Variants in KIF6 observed in about 807,000 individuals in gnomAD.
The protein encoded by KIF6 is kinesin family member 6.
KIF6 carries 106 observed loss-of-function variants against 112.7 expected under a neutral mutation model. The ratio of observed to expected loss-of-function variants is 0.94; its 90% confidence interval spans 0.80 to 1.11. KIF6 has a LOEUF of 1.11. KIF6 is among the 50% of genes least tolerant of loss of function. KIF6 has a pLI of 0.00. For synonymous variants in KIF6, 339 were observed against 339.9 expected (o/e 1.00, Z 0.03); for missense variants, 929 against 964.0 (o/e 0.96, Z 0.48).
intron 5 of KIF6, 40 bp from the exon 6 acceptor site, chr6:39,613,358 A>C (rs1425937179): frequency 1.3e-6 from 2 of 1,513,252 alleles, no homozygotes; most frequent in African/African-American, 1.4e-5. Flanking sequence ...TACTGCTGAG[A>C]ATGAAAAGAA....
At chr6:39,387,659 T>C (rs1254773379) in intron 15 of KIF6, among the ~76,000 whole-genome samples, 3 of 152,130 alleles carry the variant, frequency 2.0e-5, no homozygotes, top group Non-Finnish European at 2.9e-5. Flanking sequence ...ACTTGACACC[T>C]GAGCCAGCCA....
intron 13 of KIF6, among the ~76,000 whole-genome samples, chr6:39,536,132 C>A (rs1778408551): frequency 6.6e-6 from 1 of 150,638 alleles, no homozygotes; most frequent in Non-Finnish European, 1.5e-5. Flanking sequence ...AAATTGACAC[C>A]CTAACATCAC....
chr6:39,632,823 T>C (rs1454074945), intron 5 of KIF6, among the ~76,000 whole-genome samples: 2 of 152,016 alleles, frequency 1.3e-5, no homozygotes, highest in South Asian at 2.1e-4. Flanking sequence ...GGTTTCACCA[T>C]GTTAGCCAGG....
At chr6:39,552,754 T>TA (rs140724800) in intron 10 of KIF6, among the ~76,000 whole-genome samples, 4,919 of 152,018 alleles carry the variant, frequency 0.032, 199 homozygotes, top group African/African-American at 0.094. Context: ...TCTGCCATAT[T>TA]AAAAAAAAGA....
chr6:39,405,621 T>C (rs1470372636), intron 15 of KIF6, among the ~76,000 whole-genome samples: 1 of 152,214 alleles, frequency 6.6e-6, no homozygotes, highest in African/African-American at 2.4e-5. Context: ...CTAGTATTTG[T>C]GTATATTTAT....
At chr6:39,619,569 G>A (rs1469007237) in intron 5 of KIF6, among the ~76,000 whole-genome samples, 1 of 152,192 alleles carries the variant, frequency 6.6e-6, no homozygotes, top group African/African-American at 2.4e-5. Context: ...AGAAGTGTCT[G>A]CTGCTTACTG....
At chr6:39,401,080 C>G (rs1768663066) in intron 15 of KIF6, among the ~76,000 whole-genome samples, 1 of 152,206 alleles carries the variant, frequency 6.6e-6, no homozygotes, top group South Asian at 2.1e-4. Flanking sequence ...AATGGGTAAG[C>G]TAAGATGTTG....
At chr6:39,696,797 C>T (rs1401663307) in intron 3 of KIF6, among the ~76,000 whole-genome samples, 1 of 151,896 alleles carries the variant, frequency 6.6e-6, no homozygotes, top group African/African-American at 2.4e-5. Flanking sequence ...CACACACACA[C>T]ACATCTCAAA....
rs146550521 is a variant in KIF6 at position 39,585,435 on chromosome 6, C to T, written c.991-451G>A. 3.3e-5 allele frequency among the ~76,000 whole-genome samples: 5 copies of T among 152,280 alleles called. No homozygotes were observed. In the East Asian group the frequency reaches 9.7e-4, roughly 29 times the overall value. The stretch of plus-strand genomic sequence containing the variant: ...GCTGTGCAGCTCAGCCCCTAATAGG[C>T]CACAGACCTGGTACTGGTCCATGGC... On this transcript the variant is annotated intron_variant, in intron 8 of 22. Transcript: ENST00000287152.
At chr6:39,682,263 T>A (rs1787566526) in intron 3 of KIF6, among the ~76,000 whole-genome samples, 1 of 152,212 alleles carries the variant, frequency 6.6e-6, no homozygotes, top group South Asian at 2.1e-4. Context: ...CATCATAGCA[T>A]GTACTTACAC....
chr6:39,359,557 G>A (rs538623308), intron 18 of KIF6, among the ~76,000 whole-genome samples: 1 of 152,112 alleles, frequency 6.6e-6, no homozygotes, highest in South Asian at 2.1e-4. Context: ...AGCCATTTGC[G>A]ATACTTGAAC....
intron 10 of KIF6, among the ~76,000 whole-genome samples, chr6:39,563,882 G>C (rs1165859441): frequency 2.0e-5 from 3 of 152,172 alleles, no homozygotes; most frequent in African/African-American, 7.2e-5. Flanking sequence ...TTACCAAAAA[G>C]GTTGGCCAAA....
chr6:39,405,426 G>A (rs1769012060), intron 15 of KIF6, among the ~76,000 whole-genome samples: 1 of 152,158 alleles, frequency 6.6e-6, no homozygotes, highest in Non-Finnish European at 1.5e-5. Context: ...TGTGATGAAT[G>A]CTAAATTTTA....
At chr6:39,472,435 C>T (rs1384919278) in intron 13 of KIF6, among the ~76,000 whole-genome samples, 1 of 152,176 alleles carries the variant, frequency 6.6e-6, no homozygotes, top group Non-Finnish European at 1.5e-5. Flanking sequence ...ATTGTTGAGA[C>T]TTTTGCCTTT....
chr6:39,445,038 A>G (rs1772216554), intron 13 of KIF6, among the ~76,000 whole-genome samples: 1 of 152,192 alleles, frequency 6.6e-6, no homozygotes, highest in African/African-American at 2.4e-5. Flanking sequence ...GCTGGCTTGT[A>G]GTGAATCCTT....
intron 13 of KIF6, among the ~76,000 whole-genome samples, chr6:39,457,693 C>T (rs2150417488): frequency 6.6e-6 from 1 of 152,174 alleles, no homozygotes; most frequent in African/African-American, 2.4e-5. Flanking sequence ...GGGGATATCA[C>T]CACCGATCCC....
chr6:39,375,223 G>T (rs539344144), intron 16 of KIF6, among the ~76,000 whole-genome samples: 18 of 152,290 alleles, frequency 1.2e-4, no homozygotes, highest in African/African-American at 4.3e-4. Flanking sequence ...AGGAGAGGGA[G>T]ATGTTGGTCA....
chr6:39,345,769 A>AT lies in KIF6; in HGVS notation c.2251dup (p.Ile751AsnfsTer80), dbSNP rs1239317200. 1.9e-6 allele frequency: 3 copies of AT among 1,613,896 alleles called. No individual in the cohort carries two copies. Among genetic ancestry groups the AT allele is most frequent in the Non-Finnish European group, 2.5e-6 (3 of 1,179,948 alleles). ...TGGACTGGGGCAAGGCGAGGGCAGG[A>AT]TTTTCCTGGCATTCACATCACTGCA... On this transcript the variant is annotated frameshift_variant, in exon 21 of 23. Coordinates refer to ENST00000287152, the MANE Select transcript of KIF6 (RefSeq NM_145027.6). LOFTEE classifies it high-confidence loss of function.
intron 3 of KIF6, among the ~76,000 whole-genome samples, chr6:39,706,292 C>A (rs577283938): frequency 6.6e-6 from 1 of 152,200 alleles, no homozygotes; most frequent in Admixed American, 6.5e-5. Context: ...GAGATTTAGG[C>A]TCACTTTTTA....
Sources: gnomAD v4.1 joint callset for allele counts (sites outside exome capture counted in the v4.1 genomes callset) on GRCh38, gnomAD v4.1.1 for gene constraint, MANE v1.5 for transcripts, NCBI Gene and HGNC (gene_info 2026-07-23, HGNC 2026-07-21) for gene names.